The following ATE1 variants were observed in gnomAD, a reference collection of about 807,000 sequenced individuals.
ATE1 encodes the protein arginyl-tRNA--protein transferase 1.
Under a neutral mutation model 70.5 loss-of-function variants are expected in ATE1, and 36 were observed. The ratio of observed to expected loss-of-function variants is 0.51; its 90% CI spans 0.39 to 0.67. The LOEUF is 0.67. Ranked by LOEUF, ATE1 falls within the 30% of genes least tolerant of loss-of-function variation. The pLI, the probability that ATE1 is intolerant of heterozygous loss-of-function variation, is 0.00. For synonymous variants in ATE1, 232 were observed against 219.3 expected, an observed-to-expected ratio of 1.06 and a Z score of -0.51; for missense variants, 593 against 629.5, an observed-to-expected ratio of 0.94 and a Z score of 0.62.
At chr10:121,829,699 A>T (rs1361798351) in intron 10 of ATE1, among the ~76,000 whole-genome samples, 1 of 151,060 alleles carries the variant, frequency 6.6e-6, no homozygotes, top group Non-Finnish European at 1.5e-5. Context: ...ACAGAGCGAG[A>T]CTCTGTCTCA....
intron 8 of ATE1, among the ~76,000 whole-genome samples, chr10:121,842,339 T>G (rs979828636): frequency 6.6e-6 from 1 of 152,096 alleles, no homozygotes; most frequent in Non-Finnish European, 1.5e-5. Flanking sequence ...TCAAGGAGCA[T>G]AAAACAGCCT....
intron 3 of ATE1, among the ~76,000 whole-genome samples, chr10:121,915,671 C>T (rs1479186986): frequency 1.3e-5 from 2 of 152,068 alleles, no homozygotes; most frequent in Admixed American, 6.6e-5. Flanking sequence ...AGGCGGATCA[C>T]GAGGTCAGGA....
chr10:121,767,887 A>G (rs972750023), intron 11 of ATE1, among the ~76,000 whole-genome samples: 1 of 152,230 alleles, frequency 6.6e-6, no homozygotes, highest in Non-Finnish European at 1.5e-5. Flanking sequence ...TATACAAAAG[A>G]AATCAAAGCA....
chr10:121,896,921 T>C (rs368301428), intron 7 of ATE1, among the ~76,000 whole-genome samples: 9 of 145,654 alleles, frequency 6.2e-5, no homozygotes, highest in African/African-American at 2.5e-4. Flanking sequence ...TTAATAGTAG[T>C]TCCTCAAAAT....
At chr10:121,758,075 A>G (rs2135758644) in intron 11 of ATE1, among the ~76,000 whole-genome samples, 1 of 152,388 alleles carries the variant, frequency 6.6e-6, no homozygotes, top group East Asian at 1.9e-4. Context: ...TAAATAGGAT[A>G]GAGTCCTGAG....
intron 4 of ATE1, among the ~76,000 whole-genome samples, chr10:121,913,073 G>T (rs1951509213): frequency 6.6e-6 from 1 of 152,100 alleles, no homozygotes; most frequent in Admixed American, 6.5e-5. Flanking sequence ...TAGAGACAGG[G>T]TTTCACCATG....
At chr10:121,838,741 T>A (rs190318116) in intron 9 of ATE1, among the ~76,000 whole-genome samples, 1 of 152,274 alleles carries the variant, frequency 6.6e-6, no homozygotes, top group East Asian at 1.9e-4. Flanking sequence ...ATTACCTTTT[T>A]AAAATGTATC....
At chr10:121,836,684 A>T (rs1564881452) in intron 10 of ATE1, 34 bp downstream of exon 10, 1 of 1,317,678 alleles carries the variant, frequency 7.6e-7, no homozygotes, top group Non-Finnish European at 1.1e-6. Flanking sequence ...ATTTTTCTAT[A>T]ATAAAAATAC....
chr10:121,875,594 C>T (rs1432537438), intron 7 of ATE1, among the ~76,000 whole-genome samples: 1 of 152,212 alleles, frequency 6.6e-6, no homozygotes, highest in African/African-American at 2.4e-5. Context: ...CGTGAGCCAC[C>T]GCGCCCAGCC....
intron 8 of ATE1, among the ~76,000 whole-genome samples, chr10:121,867,199 A>C (rs4256913): frequency 0.91 from 138,000 of 152,172 alleles, 62,720 homozygotes; most frequent in Middle Eastern, 0.96. Context: ...AGAATGGGAA[A>C]GCAATAAAAC....
chr10:121,742,683 G>A lies in ATE1; in HGVS notation c.*997C>T, dbSNP rs1944187494. ...AAGGGTGGCAGAAGCCACCCTGACTGTGACTCTCAAATCAAAGGACAAGAA... is the reference window on the plus strand; with the variant it reads ...AAGGGTGGCAGAAGCCACCCTGACTATGACTCTCAAATCAAAGGACAAGAA... On this transcript the variant is annotated 3_prime_UTR_variant, in exon 12 of 12. Transcript: ENST00000224652. The A allele has an allele frequency of 6.6e-6, 1 of 152,222 alleles. No homozygotes were observed. Among genetic ancestry groups the A allele is most frequent in the South Asian group, 2.1e-4 (1 of 4,832 alleles). 9.4% of individuals were successfully genotyped at this position (152,222 alleles called of 1,614,324 possible). A position where few individuals can be genotyped will look rare whatever the true frequency, so the allele number is the denominator to read the frequency against.
intron 11 of ATE1, among the ~76,000 whole-genome samples, chr10:121,746,390 C>T (rs904376734): frequency 2.0e-5 from 3 of 152,174 alleles, no homozygotes; most frequent in African/African-American, 4.8e-5. Flanking sequence ...CAGACTTTCA[C>T]GCTGGGACAC....
rs1270075046 is a variant in ATE1, at chr10:121,890,363, G to GCT, written c.942+9502_942+9503insAG. On this transcript the variant is annotated intron_variant, in intron 7 of 11. Transcript: ENST00000224652. ...CTTGTAGAAGCACATCTCATTGTTT[G>GCT]AACATGTATGCTAAAGAATTTAGTA... 1.5e-4 allele frequency among the ~76,000 whole-genome samples: 23 copies of GCT among 152,152 alleles called. No homozygotes were observed. In the South Asian group the frequency reaches 4.4e-3, roughly 29 times the overall value.
intron 7 of ATE1, among the ~76,000 whole-genome samples, chr10:121,872,573 T>C (rs958576060): frequency 2.6e-5 from 4 of 152,154 alleles, no homozygotes; most frequent in African/African-American, 9.7e-5. Flanking sequence ...AAACTGTACA[T>C]ATTATATTCA....
At chr10:121,747,640 G>A (rs973344822) in intron 11 of ATE1, among the ~76,000 whole-genome samples, 2 of 152,176 alleles carry the variant, frequency 1.3e-5, no homozygotes, top group Non-Finnish European at 2.9e-5. Flanking sequence ...CAACACCACT[G>A]CCTGTTATCA....
chr10:121,853,971 T>A (rs1408459088), intron 8 of ATE1, among the ~76,000 whole-genome samples: 1 of 152,216 alleles, frequency 6.6e-6, no homozygotes, highest in Non-Finnish European at 1.5e-5. Context: ...AGAGCATGTA[T>A]AACATAATCA....
intron 7 of ATE1, among the ~76,000 whole-genome samples, chr10:121,895,536 C>G (rs910595116): frequency 3.3e-5 from 5 of 152,036 alleles, no homozygotes; most frequent in Admixed American, 2.6e-4. Flanking sequence ...ATCGCTTGAA[C>G]CTTGGAGGCG....
intron 10 of ATE1, among the ~76,000 whole-genome samples, chr10:121,791,944 T>G (rs1276712097): frequency 6.6e-6 from 1 of 152,182 alleles, no homozygotes; most frequent in East Asian, 1.9e-4. Context: ...CTATACCAGG[T>G]GCTGTGTGAG....
chr10:121,885,078 TG>T (rs1950339823), intron 7 of ATE1, among the ~76,000 whole-genome samples: 1 of 150,126 alleles, frequency 6.7e-6, no homozygotes, highest in Non-Finnish European at 1.5e-5. Flanking sequence ...CTGGCCAACA[TG>T]GTGAAATCCT....
Sources: allele counts gnomAD v4.1 joint callset (sites outside exome capture counted in the v4.1 genomes callset), GRCh38; gene constraint gnomAD v4.1.1; transcripts MANE v1.5; gene names NCBI Gene and HGNC (gene_info 2026-07-23, HGNC 2026-07-21).